Variants in HEMGN observed in about 807,000 individuals in gnomAD.
HEMGN encodes the protein hemogen, also known as erythroid differentiation-associated gene protein.
A neutral mutation model predicts 45.7 loss-of-function variants in HEMGN; 32 were observed. The observed-to-expected ratio is 0.70, with a 90% CI of 0.53 to 0.94. The LOEUF (loss-of-function observed/expected upper bound fraction) is 0.94. HEMGN is among the 40% of genes least tolerant of loss of function. The pLI is 0.00. For synonymous variants in HEMGN, 183 were observed against 178.6 expected (o/e 1.02, Z -0.20); for missense variants, 530 against 564.2 (o/e 0.94, Z 0.61).
chr9:97,931,136 C>T lies in HEMGN; in HGVS notation c.259G>A (p.Glu87Lys). The part of the protein sequence containing the change: ...KRQQNTELKV[E>K]PQPQIEKEIV... ...TCCTTTTCTATCTGTGGCTGAGGCTCCACCTTCAATTCTGTGTTTTGTTGT... is the reference window on the plus strand; with the variant it reads ...TCCTTTTCTATCTGTGGCTGAGGCTTCACCTTCAATTCTGTGTTTTGTTGT... The change falls in exon 3 of 4, where the codon GAG becomes AAG. Residue 87 changes from glutamate to lysine, a missense_variant. By Grantham distance (56) the Glu-to-Lys change is moderately conservative. Transcript: ENST00000616898. 2 of 1,614,062 alleles carry T rather than the reference C, an allele frequency of 1.2e-6. No homozygotes were observed. The highest frequency in any genetic ancestry group is 1.7e-6 in the Non-Finnish European group (2 of 1,180,018).
At position 97,930,852 on chromosome 9, in the gene HEMGN, A is replaced by G; in HGVS notation, c.543T>C (p.Ser181=). 6.2e-7 allele frequency: 1 copy of G among 1,614,150 alleles called. No homozygotes were observed. The highest frequency in any genetic ancestry group is 8.5e-7 in the Non-Finnish European group (1 of 1,179,980). Residue 181 remains serine, a synonymous_variant, in exon 3 of 4, where the codon TCT becomes TCC. Transcript: ENST00000616898. ...DLSPKMYQEI[S]VLQDNSSKIC... ...TTTTGGAAGAATTGTCTTGAAGTAC[A>G]GATATTTCTTGGTACATTTTAGGAG...
At chr9:97,932,797 C>G (rs1281822583) in intron 2 of HEMGN, among the ~76,000 whole-genome samples, 2 of 124,002 alleles carry the variant, frequency 1.6e-5, no homozygotes, top group African/African-American at 2.9e-5. Context: ...GAATGAGACT[C>G]TGTCTCAAAA....
At chr9:97,938,705 G>A (rs1355885739), upstream of HEMGN, among the ~76,000 whole-genome samples, 1 of 152,092 alleles carries the variant, frequency 6.6e-6, no homozygotes, top group African/African-American at 2.4e-5. Context: ...AATCTTACAT[G>A]GTTTCCTGTA....
chr9:97,938,234 AC>A (rs946469027), upstream of HEMGN: 16 of 770,138 alleles, frequency 2.1e-5, no homozygotes, highest in African/African-American at 2.5e-4. Context: ...AAAAAAAAAA[AC>A]CACACACACA....
upstream of HEMGN, among the ~76,000 whole-genome samples, chr9:97,940,625 C>A (rs1262737208): frequency 3.3e-5 from 5 of 152,144 alleles, no homozygotes; most frequent in African/African-American, 4.8e-5. Flanking sequence ...AGTTAGAATT[C>A]TCTAACTAGA....
rs1826921010 is a variant in HEMGN, at chr9:97,930,347, C to T, written c.1048G>A (p.Glu350Lys). Residue 350 changes from glutamate (E) to lysine (K), a missense_variant, in exon 3 of 4, where the codon GAA (glutamate) becomes AAA (lysine). Physicochemically the swap from Glu to Lys is moderately conservative, Grantham distance 56. Coordinates refer to ENST00000616898, the MANE Select transcript of HEMGN (RefSeq NM_197978.3). ...TGGTTTATTTCAATTGAATAGTCTT[C>T]AGAATGAGGTGTTTCTTGGATTGTT... Reference protein sequence around the residue: ...HKTIQETPHSEDYSIEINQET... With the variant: ...HKTIQETPHSKDYSIEINQET... The T allele has an allele frequency of 6.2e-7, 1 of 1,613,566 alleles. No homozygotes were observed. Among genetic ancestry groups the T allele is most frequent in the East Asian group, 2.2e-5 (1 of 44,872 alleles).
chr9:97,930,384 G>GATT lies in HEMGN; in HGVS notation c.1010_1011insAAT (p.Ala337_Pro338insIle), dbSNP rs770793656. On this transcript the variant is annotated inframe_insertion, in exon 3 of 4. Transcript: ENST00000616898. Reference sequence around the variant, plus strand: ...TTTCTTGGATTGTTTTATGAGAGGGGGCTTTAGGCACAATAATTTCGTTAC... The same window carrying GATT: ...TTTCTTGGATTGTTTTATGAGAGGGGATTGCTTTAGGCACAATAATTTCGTTAC... 1.9e-6 allele frequency: 3 copies of GATT among 1,613,746 alleles called. No individual in the cohort carries two copies. Among genetic ancestry groups the GATT allele is most frequent in the Non-Finnish European group, 2.5e-6 (3 of 1,179,818 alleles).
intron 2 of HEMGN, among the ~76,000 whole-genome samples, chr9:97,935,937 A>T (rs1208827998): frequency 6.6e-6 from 1 of 152,200 alleles, no homozygotes; most frequent in Non-Finnish European, 1.5e-5. Context: ...ATTAAAAGAG[A>T]CCAGGGAAAA....
At chr9:97,933,961 G>A (rs1001747446) in intron 2 of HEMGN, among the ~76,000 whole-genome samples, 2 of 152,112 alleles carry the variant, frequency 1.3e-5, no homozygotes, top group Non-Finnish European at 2.9e-5. Flanking sequence ...ATTTATCAGG[G>A]GCAGAGCTCA....
rs1177668866 is a variant in HEMGN at position 97,930,450 on chromosome 9, G to A, written c.945C>T (p.His315=). The A allele has an allele frequency of 1.9e-6, 3 of 1,614,068 alleles. No homozygotes were observed. The highest frequency in any genetic ancestry group is 2.5e-6 in the Non-Finnish European group (3 of 1,180,010). ...AEPKDLSTKT[H]QESAEPKYLP... is the part of the protein sequence containing the mutation. Reference sequence around the variant, plus strand: ...GGTATTTAGGTTCAGCTGATTCTTGGTGTGTTTTTGTAGAAAGGTCTTTAG... The same window carrying A: ...GGTATTTAGGTTCAGCTGATTCTTGATGTGTTTTTGTAGAAAGGTCTTTAG... Residue 315 remains histidine (H), a synonymous_variant, in exon 3 of 4, where the codon CAC becomes CAT. Coordinates refer to ENST00000616898, the MANE Select transcript of HEMGN (RefSeq NM_197978.3).
chr9:97,933,827 T>C (rs1349435420), intron 2 of HEMGN, among the ~76,000 whole-genome samples: 1 of 152,126 alleles, frequency 6.6e-6, no homozygotes, highest in Non-Finnish European at 1.5e-5. Context: ...ATTATAGAGA[T>C]GTATCACCAG....
upstream of HEMGN, among the ~76,000 whole-genome samples, chr9:97,939,829 C>A: frequency 6.6e-6 from 1 of 152,178 alleles, no homozygotes; most frequent in East Asian, 1.9e-4. Context: ...GTTCCCCAGT[C>A]CTTCTCTTAA....
At chr9:97,941,077 A>G (rs1279271343), upstream of HEMGN, among the ~76,000 whole-genome samples, 1 of 152,188 alleles carries the variant, frequency 6.6e-6, no homozygotes, top group Non-Finnish European at 1.5e-5. Flanking sequence ...AATAAATAAA[A>G]TATATAATGT....
chr9:97,938,100 G>T lies in HEMGN; in HGVS notation c.37C>A (p.His13Asn). 6.2e-7 allele frequency: 1 copy of T among 1,612,370 alleles called. No homozygotes were observed. Among genetic ancestry groups the T allele is most frequent in the Non-Finnish European group, 8.5e-7 (1 of 1,179,180 alleles). ...TCTTGATGAGGGTCAGGTGTCTGAT[G>T]GTGCTTCAAATGAGATTGGTCCTTT... ...LGKDQSHLKH[H>N]QTPDPHQEEN... The change falls in exon 1 of 4, where the codon CAT becomes AAT. Residue 13 changes from histidine to asparagine, a missense_variant. Coordinates refer to ENST00000616898, the MANE Select transcript of HEMGN (RefSeq NM_197978.3).
At chr9:97,938,666 A>C (rs1276164053), upstream of HEMGN, among the ~76,000 whole-genome samples, 1 of 152,226 alleles carries the variant, frequency 6.6e-6, no homozygotes. Context: ...TAATAGATAT[A>C]AAAGTTTCTA....
chr9:97,929,331 TA>T (rs941227396), intron 3 of HEMGN, among the ~76,000 whole-genome samples: 9 of 152,220 alleles, frequency 5.9e-5, no homozygotes, highest in African/African-American at 2.2e-4. Flanking sequence ...AAAGAGCAAG[TA>T]AACTACTAAA....
At chr9:97,937,007 A>G (rs545381483) in intron 1 of HEMGN, among the ~76,000 whole-genome samples, 1 of 152,288 alleles carries the variant, frequency 6.6e-6, no homozygotes, top group African/African-American at 2.4e-5. Flanking sequence ...AGAGCTTCCT[A>G]GAGCCTGTGA....
At chr9:97,928,346 C>A (rs888622207) in intron 3 of HEMGN, among the ~76,000 whole-genome samples, 1 of 152,132 alleles carries the variant, frequency 6.6e-6, no homozygotes. Context: ...ATTTTTTAAC[C>A]TAGCAGACAG....
chr9:97,943,783 A>G (rs1827184570), intron 1 of HEMGN, among the ~76,000 whole-genome samples: 1 of 152,144 alleles, frequency 6.6e-6, no homozygotes, highest in African/African-American at 2.4e-5. Context: ...TGCTTTGCAT[A>G]TGTAATCTAG....
Sources: gnomAD v4.1 joint callset for allele counts (sites outside exome capture counted in the v4.1 genomes callset) on GRCh38, gnomAD v4.1.1 for gene constraint, MANE v1.5 for transcripts, NCBI Gene and HGNC (gene_info 2026-07-23, HGNC 2026-07-21) for gene names.